Variants in HNRNPA1 observed in about 807,000 individuals in gnomAD.
HNRNPA1 encodes the protein epididymis secretory sperm binding protein.
In HNRNPA1, 7 loss-of-function variants were observed where a neutral mutation model predicts 44.4. The ratio of observed to expected loss-of-function variants is 0.16; its 90% CI spans 0.09 to 0.30. HNRNPA1 has a LOEUF of 0.30. Ranked by LOEUF, HNRNPA1 falls within the 10% of genes least tolerant of loss-of-function variation. The pLI, the probability that HNRNPA1 is intolerant of heterozygous loss-of-function variation, is 1.00. For synonymous variants in HNRNPA1, 169 were observed against 160.6 expected (o/e 1.05, Z -0.40); for missense variants, 193 against 465.8 (o/e 0.41, Z 5.39).
chr12:54,284,180 T>G, intron 9 of HNRNPA1, 78 bp from the exon 10 acceptor site: 3 of 1,502,858 alleles, frequency 2.0e-6, no homozygotes, highest in Non-Finnish European at 2.8e-6. Context: ...GACACTTGAA[T>G]TTAACTTTTA....
Position 54,282,495 on chromosome 12 carries a change from G to C in HNRNPA1, c.583+9G>C, listed in dbSNP as rs201681350. ...TTCATCCAGCCAAAGAGGTATGCTT[G>C]TTGCTTAATTAAACCTTAAAGGTAA... is the stretch of plus-strand genomic sequence containing the variant. On this transcript the variant is annotated intron_variant, in intron 5 of 10. Coordinates refer to ENST00000340913, the MANE Select transcript of HNRNPA1 (RefSeq NM_031157.4). 1.9e-6 allele frequency: 3 copies of C among 1,612,592 alleles called. No individual in the cohort carries two copies. The highest frequency in any genetic ancestry group is 2.5e-6 in the Non-Finnish European group (3 of 1,179,022).
At chr12:54,283,373 C>T (rs2137044399) in intron 8 of HNRNPA1, 139 bp downstream of exon 8, 1 of 963,136 alleles carries the variant, frequency 1.0e-6, no homozygotes, top group Non-Finnish European at 1.5e-6. Flanking sequence ...CTACCTCCTC[C>T]TAGCTTTAAG....
intron 7 of HNRNPA1, 28 bp from the exon 8 acceptor site, chr12:54,283,051 C>A: frequency 2.5e-6 from 4 of 1,609,454 alleles, no homozygotes; most frequent in South Asian, 2.2e-5. Flanking sequence ...ATACTTTTGT[C>A]TTATTGAGAA....
intron 6 of HNRNPA1, 56 bp from the exon 7 acceptor site, chr12:54,282,744 T>C: frequency 6.3e-7 from 1 of 1,588,116 alleles, no homozygotes; most frequent in Non-Finnish European, 8.6e-7. Context: ...GGAACTGCAT[T>C]CAGAATGTCA....
At chr12:54,284,056 A>C in intron 9 of HNRNPA1, 89 bp downstream of exon 9, 1 of 1,469,120 alleles carries the variant, frequency 6.8e-7, no homozygotes, top group South Asian at 1.2e-5. Flanking sequence ...ATGTCTGGGC[A>C]GCAAAACGTT....
rs1944246037 is a variant in HNRNPA1, at chr12:54,285,241, CTT to C, written c.*698_*699del. On this transcript the variant is annotated 3_prime_UTR_variant, in exon 11 of 11. Transcript: ENST00000340913. ...TGTAATCAATAAACGATTTAATTCTCTTGAATGAAATGACAACTGTATGGATT... is the reference window on the plus strand; with the variant it reads ...TGTAATCAATAAACGATTTAATTCTCGAATGAAATGACAACTGTATGGATT... 1 of 152,674 alleles carries C rather than the reference CTT, an allele frequency of 6.5e-6. No individual in the cohort carries two copies. Among genetic ancestry groups the C allele is most frequent in the South Asian group, 2.1e-4 (1 of 4,848 alleles). 9.5% of individuals were successfully genotyped at this position (152,674 alleles called of 1,614,324 possible).
rs1349240523 is a variant in HNRNPA1, at chr12:54,286,819, A to T, written c.*2275A>T. 1 of 152,214 alleles carries T rather than the reference A, an allele frequency of 6.6e-6. No homozygotes were observed. Among genetic ancestry groups the T allele is most frequent in the Non-Finnish European group, 1.5e-5 (1 of 68,038 alleles). The allele number at this position is 152,214 out of a possible 1,614,324, so 9.4% of individuals were successfully genotyped here. On this transcript the variant is annotated 3_prime_UTR_variant, in exon 11 of 11. Transcript: ENST00000340913. Reference sequence around the variant, plus strand: ...GACAAGCTGTACCTTAAACCAAAACACTTCGTAATCTCATCCAATTGCAAA... The same window carrying T: ...GACAAGCTGTACCTTAAACCAAAACTCTTCGTAATCTCATCCAATTGCAAA...
intron 1 of HNRNPA1, chr12:54,281,143 C>A: frequency 2.9e-6 from 2 of 700,116 alleles, no homozygotes; most frequent in Non-Finnish European, 5.2e-6. Flanking sequence ...GAGATGCACC[C>A]CTACCGCCCA....
rs147189496 is a variant in HNRNPA1, at chr12:54,281,018, T to C, written c.15+196T>C. 178 of 719,540 alleles carry C rather than the reference T, an allele frequency of 2.5e-4. 1 individual carries two copies. In the African/African-American group the frequency reaches 2.8e-3, roughly 11 times the overall value. 44.6% of individuals were successfully genotyped at this position (719,540 alleles called of 1,614,324 possible). On this transcript the variant is annotated intron_variant, in intron 1 of 10. Coordinates refer to ENST00000340913, the MANE Select transcript of HNRNPA1 (RefSeq NM_031157.4). ...GAGGCCGCTCTCCGCCAACCATGAG[T>C]TATCATGCGGGACTCGTTACTCGTA...
At position 54,286,009 on chromosome 12, in the gene HNRNPA1, C is replaced by T. The variant is rs1221207527; in HGVS notation, c.*1465C>T. 1 of 152,094 alleles carries T rather than the reference C, an allele frequency of 6.6e-6. No homozygotes were observed. Among genetic ancestry groups the T allele is most frequent in the African/African-American group, 2.4e-5 (1 of 41,412 alleles). 9.4% of individuals were successfully genotyped at this position (152,094 alleles called of 1,614,324 possible). A position where few individuals can be genotyped will look rare whatever the true frequency, so the allele number is the denominator to read the frequency against. On this transcript the variant is annotated 3_prime_UTR_variant, in exon 11 of 11. Transcript: ENST00000340913. ...GATACCTCAGGATTCGTGACAATGC[C>T]TTTAAAGATCCAGGAGAGATGTTCA...
rs761874206 is a variant in HNRNPA1, at chr12:54,281,378, C to T, written c.16-8C>T. ...CCCATTTAACACTTCCCCCTCCCCCCACTCTAGTCTCCTAAAGAGCCCGAA... is the reference window on the plus strand; with the variant it reads ...CCCATTTAACACTTCCCCCTCCCCCTACTCTAGTCTCCTAAAGAGCCCGAA... On this transcript the variant is annotated splice_polypyrimidine_tract_variant and splice_region_variant and intron_variant, in intron 1 of 10. Coordinates refer to ENST00000340913, the MANE Select transcript of HNRNPA1 (RefSeq NM_031157.4). 8.0e-6 allele frequency: 12 copies of T among 1,499,376 alleles called. No homozygotes were observed. Among genetic ancestry groups the T allele is most frequent in the Admixed American group, 7.7e-5 (4 of 52,060 alleles). 92.9% of individuals were successfully genotyped at this position (1,499,376 alleles called of 1,614,324 possible).
At chr12:54,284,512 G>A in intron 10 of HNRNPA1, 37 bp from the exon 11 acceptor site, 1 of 718,976 alleles carries the variant, frequency 1.4e-6, no homozygotes, top group Non-Finnish European at 2.5e-6. Context: ...GTCTTAATAT[G>A]TTTAGATTAA....
At chr12:54,282,901 A>G (rs768752781) in intron 7 of HNRNPA1, 27 bp downstream of exon 7, 12 of 1,536,270 alleles carry the variant, frequency 7.8e-6, no homozygotes, top group Non-Finnish European at 1.1e-5. Context: ...TAAGTAGAGA[A>G]AAATTCCTGG....
rs181241963 is a variant in HNRNPA1, at chr12:54,280,978, C to T, written c.15+156C>T. 237 of 816,788 alleles carry T rather than the reference C, an allele frequency of 2.9e-4. No homozygotes were observed. In the African/African-American group the frequency reaches 3.6e-3, roughly 12 times the overall value. The allele number at this position is 816,788 out of a possible 1,614,324, so 50.6% of individuals were successfully genotyped here. A position where few individuals can be genotyped will look rare whatever the true frequency, so the allele number is the denominator to read the frequency against. On this transcript the variant is annotated intron_variant, in intron 1 of 10. Coordinates refer to ENST00000340913, the MANE Select transcript of HNRNPA1 (RefSeq NM_031157.4). The stretch of plus-strand genomic sequence containing the variant: ...CCCAAAGTTCAAGTCGCCATTTTGT[C>T]CTCTTGATCGCCATGAGGCCGCTCT...
At chr12:54,283,305 T>C (rs1288299042) in intron 8 of HNRNPA1, 71 bp downstream of exon 8, 3 of 1,527,044 alleles carry the variant, frequency 2.0e-6, no homozygotes, top group African/African-American at 1.4e-5. Context: ...GTTCTGGTGC[T>C]GTTGAAGCAT....
intron 6 of HNRNPA1, 67 bp from the exon 7 acceptor site, chr12:54,282,733 G>C (rs545077765): frequency 3.8e-6 from 6 of 1,587,606 alleles, no homozygotes; most frequent in Non-Finnish European, 5.2e-6. Context: ...TTTACAGTAC[G>C]GGAACTGCAT....
chr12:54,282,771 TACTTAAA>T (rs1330204390), intron 6 of HNRNPA1, 22 bp from the exon 7 acceptor site: 11 of 1,564,846 alleles, frequency 7.0e-6, no homozygotes, highest in East Asian at 2.3e-5. Flanking sequence ...GTCCAAGTCA[TACTTAAA>T]ACTTGAAACT....
At chr12:54,283,300 G>A (rs1194231334) in intron 8 of HNRNPA1, 66 bp downstream of exon 8, 13 of 1,553,200 alleles carry the variant, frequency 8.4e-6, no homozygotes, top group South Asian at 1.2e-5. Flanking sequence ...CTTGGGTTCT[G>A]GTGCTGTTGA....
chr12:54,282,299 C>T lies in HNRNPA1; in HGVS notation c.489C>T (p.Val163=), dbSNP rs746001887. The change falls in exon 4 of 11, where the codon GTC becomes GTT. Residue 163 remains valine, a splice_region_variant and synonymous_variant. Coordinates refer to ENST00000340913, the MANE Select transcript of HNRNPA1 (RefSeq NM_031157.4). ...FDDHDSVDKI[V]IQKYHTVNGH... ...ACCATGACTCCGTGGATAAGATTGT[C>T]AGTAAGTATCAGATAGTGGCATTTA... is the stretch of plus-strand genomic sequence containing the variant. 1.2e-6 allele frequency: 2 copies of T among 1,613,734 alleles called. No individual in the cohort carries two copies. The highest frequency in any genetic ancestry group is 2.2e-5 in the East Asian group (1 of 44,890).
Sources: gnomAD v4.1 joint callset for allele counts on GRCh38, gnomAD v4.1.1 for gene constraint, MANE v1.5 for transcripts, NCBI Gene and HGNC (gene_info 2026-07-23, HGNC 2026-07-21) for gene names.